Variants in EXD3 observed in about 807,000 individuals in gnomAD.
EXD3 encodes the protein exonuclease 3'-5' domain containing 3, also known as exonuclease mut-7 homolog.
In EXD3, 92 loss-of-function variants were observed where a neutral mutation model predicts 98.0. The observed-to-expected ratio is 0.94, with a 90% confidence interval of 0.79 to 1.12. The LOEUF is 1.12. Ranked by LOEUF, EXD3 falls within the 50% of genes most tolerant of loss-of-function variation. EXD3 has a pLI of 0.00. For missense variants in EXD3, 1,222 were observed against 1,191.6 expected, an observed-to-expected ratio of 1.03 and a Z score of -0.38; for synonymous variants, 569 against 526.0, an observed-to-expected ratio of 1.08 and a Z score of -1.12.
chr9:137,416,425 G>GCA (rs1333925374), intron 1 of EXD3, among the ~76,000 whole-genome samples: 3 of 152,170 alleles, frequency 2.0e-5, no homozygotes, highest in Non-Finnish European at 2.9e-5. Context: ...CGCAGCTTCT[G>GCA]CACAGCCAGG....
rs1164900644 is a variant in EXD3, at chr9:137,349,451, C to T, written c.1575G>A (p.Val525=). ...LRGLSLLVQQ[V]LGTALDKTQQ... ...GCGTCTTGTCCAGGGCTGTGCCCAG[C>T]ACCTGCTGCACCAGGAGGCTCAGGC... Residue 525 remains valine, a synonymous_variant, in exon 15 of 22, where the codon GTG becomes GTA. Transcript: ENST00000340951. This position sits in a 1 kb window ranked among gnomAD's most constrained non-coding sequence, Gnocchi z 7.4. The T allele has an allele frequency of 1.2e-6, 2 of 1,602,426 alleles. No homozygotes were observed. Among genetic ancestry groups the T allele is most frequent in the Middle Eastern group, 1.7e-4 (1 of 5,724 alleles).
rs1484168583 is a variant in EXD3, at chr9:137,394,521, C to T, written c.55+782G>A. Among the ~76,000 whole-genome samples the T allele has an allele frequency of 6.1e-5, 9 of 147,844 alleles. No individual in the cohort carries two copies. In the East Asian group the frequency reaches 1.5e-3, roughly 24 times the overall value. ...TCCCTAACCCCGGCCTCCCAGCCTC[C>T]GCTTCCCTAACCCCGGCCTCCCAGC... On this transcript the variant is annotated intron_variant, in intron 2 of 21. Coordinates refer to ENST00000340951, the MANE Select transcript of EXD3 (RefSeq NM_017820.5).
At position 137,374,759 on chromosome 9, in the gene EXD3, G is replaced by C. The variant is rs187695482; in HGVS notation, c.121-1160C>G. 613 of 985,458 alleles carry C rather than the reference G, an allele frequency of 6.2e-4. 1 individual carries two copies. The highest frequency in any genetic ancestry group is 7.0e-4 in the Non-Finnish European group (581 of 829,954). The allele number at this position is 985,458 out of a possible 1,614,324, so 61.0% of individuals were successfully genotyped here. ...TGAAAGGCAGCTTCTCTGTCCCTCG[G>C]GACTCTGGGAAGAAAAGGAAAGCCG... is the stretch of plus-strand genomic sequence containing the variant. On this transcript the variant is annotated intron_variant, in intron 3 of 21. Transcript: ENST00000340951.
chr9:137,391,582 C>T lies in EXD3; in HGVS notation c.55+3721G>A, dbSNP rs1276406288. Among the ~76,000 whole-genome samples the T allele has an allele frequency of 9.2e-5, 14 of 151,360 alleles. No individual in the cohort carries two copies. In the South Asian group the frequency reaches 1.7e-3, roughly 18 times the overall value. ...GGCCTCCCCGCCCCACCCCACCGCC[C>T]GCCGGCCCTGGTGATTCCTGGAGCT... On this transcript the variant is annotated intron_variant, in intron 2 of 21. Coordinates refer to ENST00000340951, the MANE Select transcript of EXD3 (RefSeq NM_017820.5).
intron 5 of EXD3, among the ~76,000 whole-genome samples, chr9:137,372,598 C>T (rs1406611004): frequency 1.3e-5 from 2 of 152,190 alleles, no homozygotes; most frequent in Admixed American, 6.5e-5. Context: ...CAGGCCCAGG[C>T]CCACCTAGGA....
chr9:137,411,388 G>A (rs912712657), intron 1 of EXD3, among the ~76,000 whole-genome samples: 5 of 152,008 alleles, frequency 3.3e-5, no homozygotes, highest in African/African-American at 9.7e-5. Flanking sequence ...CCTGCTCCTC[G>A]GTTTCCTGGG....
At chr9:137,404,513 A>G (rs553885162) in intron 1 of EXD3, among the ~76,000 whole-genome samples, 2 of 152,364 alleles carry the variant, frequency 1.3e-5, no homozygotes, top group East Asian at 3.9e-4. Flanking sequence ...TATGCATGTA[A>G]TACAATATTT....
rs1306918695 is a variant in EXD3 at position 137,395,023 on chromosome 9, G to A, written c.55+280C>T. Among the ~76,000 whole-genome samples, 1 of 152,048 alleles carries A rather than the reference G, an allele frequency of 6.6e-6. No individual in the cohort carries two copies. Among genetic ancestry groups the A allele is most frequent in the Non-Finnish European group, 1.5e-5 (1 of 68,002 alleles). ...AGCCCTGAGCAGCTGCACTGTCCCC[G>A]CCACCTCCCCCGGATCCTGTCACAG... On this transcript the variant is annotated intron_variant, in intron 2 of 21. Transcript: ENST00000340951. This position sits in a 1 kb window ranked among gnomAD's most constrained non-coding sequence, Gnocchi z 6.5.
At chr9:137,354,061 C>T (rs1489730343) in intron 10 of EXD3, 2 of 1,217,188 alleles carry the variant, frequency 1.6e-6, no homozygotes, top group Admixed American at 4.3e-5. Flanking sequence ...GCCCCACAGG[C>T]AGCTCCGCTG....
At position 137,401,142 on chromosome 9, in the gene EXD3, C is replaced by T. The variant is rs531065588; in HGVS notation, c.-47-5738G>A. ...AGTAGGGACTCTGTGTGGGGGCTCC[C>T]ACCCATTTCCTTTTTTTTTTTTTTT... On this transcript the variant is annotated intron_variant, in intron 1 of 21. Coordinates refer to ENST00000340951, the MANE Select transcript of EXD3 (RefSeq NM_017820.5). Among the ~76,000 whole-genome samples, 25 of 146,596 alleles carry T rather than the reference C, an allele frequency of 1.7e-4. No homozygotes were observed. In the East Asian group the frequency reaches 4.2e-3, roughly 25 times the overall value.
intron 19 of EXD3, among the ~76,000 whole-genome samples, chr9:137,318,990 G>A (rs1564467191): frequency 6.6e-6 from 1 of 152,232 alleles, no homozygotes; most frequent in African/African-American, 2.4e-5. Flanking sequence ...CTTTCCCTCC[G>A]GGAACGGCAC....
chr9:137,395,020 C>T lies in EXD3; in HGVS notation c.55+283G>A, dbSNP rs1837135039. On this transcript the variant is annotated intron_variant, in intron 2 of 21. Transcript: ENST00000340951. This position sits in a 1 kb window ranked among gnomAD's most constrained non-coding sequence, Gnocchi z 6.5. ...GCCAGCCCTGAGCAGCTGCACTGTC[C>T]CCGCCACCTCCCCCGGATCCTGTCA... Among the ~76,000 whole-genome samples the T allele has an allele frequency of 1.3e-5, 2 of 152,134 alleles. No individual in the cohort carries two copies. Among genetic ancestry groups the T allele is most frequent in the Non-Finnish European group, 1.5e-5 (1 of 68,016 alleles).
chr9:137,399,715 C>T (rs1054050005), intron 1 of EXD3, among the ~76,000 whole-genome samples: 33 of 152,022 alleles, frequency 2.2e-4, no homozygotes, highest in African/African-American at 7.2e-4. Context: ...TGGTGGGAGG[C>T]GAAAGGCGCT....
At chr9:137,372,196 C>G (rs369676625) in intron 5 of EXD3, among the ~76,000 whole-genome samples, 6 of 152,238 alleles carry the variant, frequency 3.9e-5, no homozygotes, top group Admixed American at 1.3e-4. Flanking sequence ...ACCGAAGCCA[C>G]CTCTCCCGCC....
At position 137,403,613 on chromosome 9, in the gene EXD3, GT is replaced by G; in HGVS notation, c.-47-8210del. On this transcript the variant is annotated intron_variant, in intron 1 of 21. Coordinates refer to ENST00000340951, the MANE Select transcript of EXD3 (RefSeq NM_017820.5). This position sits in a 1 kb window ranked among gnomAD's most constrained non-coding sequence, Gnocchi z 6.1. ...CTCTCCTTCTCTTTGCCCCTAAGGG[GT>G]TTTGCCTTTTTAATTCTTTTGCTGT... Among the ~76,000 whole-genome samples, 1 of 152,110 alleles carries G rather than the reference GT, an allele frequency of 6.6e-6. No individual in the cohort carries two copies. Among genetic ancestry groups the G allele is most frequent in the African/African-American group, 2.4e-5 (1 of 41,514 alleles).
At chr9:137,370,791 CTT>C (rs1158053438) in intron 5 of EXD3, among the ~76,000 whole-genome samples, 70 of 129,930 alleles carry the variant, frequency 5.4e-4, no homozygotes, top group Non-Finnish European at 7.2e-4. Flanking sequence ...CCAAGAGGGC[CTT>C]TTTTTTTTTT....
intron 17 of EXD3, among the ~76,000 whole-genome samples, chr9:137,338,394 T>G (rs564391853): frequency 6.6e-6 from 1 of 151,968 alleles, no homozygotes; most frequent in Non-Finnish European, 1.5e-5. Context: ...AACAATACTT[T>G]GAGAAAAATT....
Position 137,395,100 on chromosome 9 carries a change from C to T in EXD3, c.55+203G>A, listed in dbSNP as rs1332278370. On this transcript the variant is annotated intron_variant, in intron 2 of 21. Coordinates refer to ENST00000340951, the MANE Select transcript of EXD3 (RefSeq NM_017820.5). The surrounding 1 kb of genome is among the most constrained non-coding windows in gnomAD (Gnocchi z 6.5). ...GGCCCAAGGAGGCGGCCTGTCCTGA[C>T]CCCCGAGGACAACAAGGCCACAGTG... Among the ~76,000 whole-genome samples, 1 of 152,108 alleles carries T rather than the reference C, an allele frequency of 6.6e-6. No homozygotes were observed. The highest frequency in any genetic ancestry group is 1.5e-5 in the Non-Finnish European group (1 of 67,990).
intron 7 of EXD3, among the ~76,000 whole-genome samples, chr9:137,360,874 A>G (rs1300961306): frequency 1.1e-5 from 1 of 87,218 alleles, no homozygotes; most frequent in African/African-American, 3.2e-5. Flanking sequence ...AAATTTACTT[A>G]TTAATTCTAA....
Sources: allele counts gnomAD v4.1 joint callset (sites outside exome capture counted in the v4.1 genomes callset), GRCh38; gene constraint gnomAD v4.1.1; non-coding constraint Gnocchi (gnomAD v3.1); transcripts MANE v1.5; gene names NCBI Gene and HGNC (gene_info 2026-07-23, HGNC 2026-07-21).